KDM7A: variants seen among roughly 807,000 people sequenced by gnomAD.
KDM7A encodes lysine-specific demethylase 7A.
In KDM7A, 28 loss-of-function variants were observed where a neutral mutation model predicts 114.8. The ratio of observed to expected loss-of-function variants is 0.24; its 90% CI spans 0.18 to 0.33. KDM7A has a LOEUF of 0.33. Ranked by LOEUF, KDM7A falls within the 10% of genes least tolerant of loss-of-function variation. The probability of loss-of-function intolerance (pLI) is 1.00; values close to 1 mark genes in which losing one functional copy is unlikely to be tolerated. For missense variants in KDM7A, 942 were observed against 1,142.5 expected (o/e 0.82, Z 2.53); for synonymous variants, 423 against 397.8 (o/e 1.06, Z -0.75).
Position 140,089,216 on chromosome 7 carries a change from T to TTA in KDM7A, c.*1876_*1877dup, listed in dbSNP as rs1373995752. The TTA allele has an allele frequency of 6.6e-6, 1 of 152,146 alleles. No homozygotes were observed. Among genetic ancestry groups the TTA allele is most frequent in the Middle Eastern group, 3.2e-3 (1 of 316 alleles). 9.4% of individuals were successfully genotyped at this position (152,146 alleles called of 1,614,324 possible). Reference sequence around the variant, plus strand: ...TGTAGACAGGGTTTACACGGGTTGTTTATAGACACTAAGGATTTCCATAAA... The same window carrying TTA: ...TGTAGACAGGGTTTACACGGGTTGTTTATATAGACACTAAGGATTTCCATAAA... On this transcript the variant is annotated 3_prime_UTR_variant, in exon 20 of 20. Transcript: ENST00000397560.
In KDM7A at chr7:140,098,770, A is replaced by G. The variant is rs762360241; in HGVS notation, c.1918+109T>C. The G allele has an allele frequency of 5.9e-4, 564 of 955,258 alleles. 1 individual carries two copies. Among genetic ancestry groups the G allele is most frequent in the Non-Finnish European group, 8.2e-4 (519 of 632,684 alleles). 59.2% of individuals were successfully genotyped at this position (955,258 alleles called of 1,614,324 possible). ...TTTTCAAGACAGTTTTAGGGACACAAAAGTTTTCTGCTATTTTAAACTTAA... is the reference window on the plus strand; with the variant it reads ...TTTTCAAGACAGTTTTAGGGACACAGAAGTTTTCTGCTATTTTAAACTTAA... On this transcript the variant is annotated intron_variant, in intron 14 of 19. Coordinates refer to ENST00000397560, the MANE Select transcript of KDM7A (RefSeq NM_030647.2).
intron 11 of KDM7A, among the ~76,000 whole-genome samples, chr7:140,103,077 T>A (rs1200470946): frequency 6.6e-6 from 1 of 152,146 alleles, no homozygotes; most frequent in Non-Finnish European, 1.5e-5. Flanking sequence ...AAGCTTCTCA[T>A]CTGCACAAAC....
Position 140,094,322 on chromosome 7 carries a change from T to A in KDM7A, c.2375-184A>T, listed in dbSNP as rs190175489. On this transcript the variant is annotated intron_variant, in intron 17 of 19. Transcript: ENST00000397560. ...GAGTTCGAGACCAGCCTGGCCAACA[T>A]GGTGAAACCCCGTCTCTATTAAAAA... 9.8e-4 allele frequency among the ~76,000 whole-genome samples: 150 copies of A among 152,318 alleles called. 1 individual carries two copies. Among genetic ancestry groups the A allele is most frequent in the Admixed American group, 2.2e-3 (34 of 15,310 alleles).
At position 140,096,987 on chromosome 7, in the gene KDM7A, T is replaced by G; in HGVS notation, c.2077A>C (p.Thr693Pro). The G allele has an allele frequency of 6.2e-7, 1 of 1,612,828 alleles. No individual in the cohort carries two copies. ...TTAGATTCCTCCTTAAAGTTGGATGTTATTTCTTGTTTCTTTTCATCACCT... is the reference window on the plus strand; with the variant it reads ...TTAGATTCCTCCTTAAAGTTGGATGGTATTTCTTGTTTCTTTTCATCACCT... ...SSGDEKKQEI[T>P]SNFKEESNVM... Residue 693 changes from threonine to proline, a missense_variant, in exon 16 of 20, where the codon ACA (threonine) becomes CCA (proline). Coordinates refer to ENST00000397560, the MANE Select transcript of KDM7A (RefSeq NM_030647.2).
chr7:140,155,125 C>T (rs544329696), intron 1 of KDM7A, among the ~76,000 whole-genome samples: 2 of 152,238 alleles, frequency 1.3e-5, no homozygotes, highest in Admixed American at 1.3e-4. Flanking sequence ...ATCTTTTTAA[C>T]CTCAAAAGAA....
In KDM7A at chr7:140,096,976, A is replaced by G; in HGVS notation, c.2088T>C (p.Phe696=). 1 of 1,612,842 alleles carries G rather than the reference A, an allele frequency of 6.2e-7. No homozygotes were observed. The highest frequency in any genetic ancestry group is 8.5e-7 in the Non-Finnish European group (1 of 1,178,924). Residue 696 remains phenylalanine (F), a synonymous_variant, in exon 16 of 20, where the codon TTT becomes TTC. Coordinates refer to ENST00000397560, the MANE Select transcript of KDM7A (RefSeq NM_030647.2). ...DEKKQEITSN[F]KEESNVMRNF... Reference sequence around the variant, plus strand: ...TCCTCATCACATTAGATTCCTCCTTAAAGTTGGATGTTATTTCTTGTTTCT... The same window carrying G: ...TCCTCATCACATTAGATTCCTCCTTGAAGTTGGATGTTATTTCTTGTTTCT...
intron 11 of KDM7A, among the ~76,000 whole-genome samples, chr7:140,104,862 G>C (rs1205177529): frequency 6.6e-6 from 1 of 152,136 alleles, no homozygotes. Flanking sequence ...GGATGGCATT[G>C]AATCTATTAA....
chr7:140,157,373 G>A (rs1219472375), intron 1 of KDM7A, among the ~76,000 whole-genome samples: 1 of 152,244 alleles, frequency 6.6e-6, no homozygotes, highest in African/African-American at 2.4e-5. Flanking sequence ...AAAACACTGA[G>A]GCCAGGCACA....
At chr7:140,169,919 C>T (rs62491439) in intron 1 of KDM7A, among the ~76,000 whole-genome samples, 9,341 of 152,232 alleles carry the variant, frequency 0.061, 365 homozygotes, top group Non-Finnish European at 0.09. Context: ...TTTGTTCAAA[C>T]AGCAAAATTG....
At chr7:140,149,697 C>A (rs1794377817) in intron 1 of KDM7A, among the ~76,000 whole-genome samples, 1 of 152,132 alleles carries the variant, frequency 6.6e-6, no homozygotes, top group Admixed American at 6.6e-5. Flanking sequence ...AAAGACTATT[C>A]TTTTATTTAT....
intron 1 of KDM7A, among the ~76,000 whole-genome samples, chr7:140,169,389 T>C (rs969462387): frequency 1.3e-5 from 2 of 152,204 alleles, no homozygotes; most frequent in African/African-American, 2.4e-5. Context: ...GTTCTATTCT[T>C]ACTCATAAGC....
intron 1 of KDM7A, among the ~76,000 whole-genome samples, chr7:140,157,992 A>T (rs999920958): frequency 1.4e-5 from 2 of 146,442 alleles, no homozygotes; most frequent in African/African-American, 2.5e-5. Context: ...ATAAATAAAT[A>T]AATAATAATA....
chr7:140,132,396 GA>G (rs10716278), intron 3 of KDM7A, among the ~76,000 whole-genome samples: 62,955 of 150,924 alleles, frequency 0.42, 13,329 homozygotes, highest in Middle Eastern at 0.48. Context: ...AACCTATTTA[GA>G]AAAAAAAAGA....
chr7:140,123,230 T>G (rs1469259368), intron 7 of KDM7A, among the ~76,000 whole-genome samples: 1 of 152,224 alleles, frequency 6.6e-6, no homozygotes. Context: ...AATACACTGC[T>G]GGTGGTAACG....
chr7:140,125,852 C>G (rs1404929193), intron 6 of KDM7A, among the ~76,000 whole-genome samples: 3 of 150,192 alleles, frequency 2.0e-5, no homozygotes, highest in Admixed American at 6.6e-5. Context: ...CTTCCTGCCT[C>G]AGCCTCTTGA....
intron 3 of KDM7A, among the ~76,000 whole-genome samples, chr7:140,131,616 T>C (rs900395766): frequency 2.6e-5 from 4 of 152,208 alleles, no homozygotes; most frequent in Non-Finnish European, 5.9e-5. Context: ...GAGCTCTGTA[T>C]TACCTCTTAG....
At chr7:140,150,851 C>T (rs1467607080) in intron 1 of KDM7A, among the ~76,000 whole-genome samples, 1 of 129,486 alleles carries the variant, frequency 7.7e-6, no homozygotes, top group African/African-American at 3.0e-5. Context: ...TTTTTTGAGA[C>T]GAGTTCCACT....
chr7:140,100,197 G>A (rs911970877), intron 12 of KDM7A, among the ~76,000 whole-genome samples, 174 bp from the exon 13 acceptor site: 1 of 152,214 alleles, frequency 6.6e-6, no homozygotes, highest in Non-Finnish European at 1.5e-5. Flanking sequence ...TAAAGCCAAA[G>A]TAAGAGTATG....
rs193234735 is a variant in KDM7A at position 140,100,785 on chromosome 7, G to C, written c.1639-762C>G. Among the ~76,000 whole-genome samples, 26 of 145,212 alleles carry C rather than the reference G, an allele frequency of 1.8e-4. No homozygotes were observed. The East Asian group carries it at 5.3e-3, about 30-fold the overall frequency. ...TTGTTTGTTTGTTTGTTTGGAGACGGAGTCTCGCTCTGTCGCCCAGGCTGG... is the reference window on the plus strand; with the variant it reads ...TTGTTTGTTTGTTTGTTTGGAGACGCAGTCTCGCTCTGTCGCCCAGGCTGG... On this transcript the variant is annotated intron_variant, in intron 12 of 19. Transcript: ENST00000397560.
Sources: allele counts gnomAD v4.1 joint callset (sites outside exome capture counted in the v4.1 genomes callset), GRCh38; gene constraint gnomAD v4.1.1; transcripts MANE v1.5; gene names NCBI Gene and HGNC (gene_info 2026-07-23, HGNC 2026-07-21).